The following SPPL3 variants were observed in gnomAD, a reference collection of about 807,000 sequenced individuals.
SPPL3 encodes signal peptide peptidase like 3, also known as signal peptide peptidase-like 3.
A neutral mutation model predicts 42.4 loss-of-function variants in SPPL3; 5 were observed. The observed-to-expected ratio is 0.12, with a 90% CI of 0.06 to 0.25. SPPL3 has a LOEUF of 0.25. Ranked by LOEUF, SPPL3 falls within the 10% of genes least tolerant of loss-of-function variation. SPPL3 has a pLI of 1.00. For synonymous variants in SPPL3, 195 were observed against 181.8 expected (o/e 1.07, Z -0.58); for missense variants, 235 against 489.0 (o/e 0.48, Z 4.90).
At chr12:120,891,380 A>G (rs982155471) in intron 1 of SPPL3, among the ~76,000 whole-genome samples, 3 of 152,280 alleles carry the variant, frequency 2.0e-5, no homozygotes, top group Admixed American at 1.3e-4. Flanking sequence ...AGGCACTGCT[A>G]TATCTATTAA....
chr12:120,768,306 T>A lies in SPPL3; in HGVS notation c.773+19A>T. 1 of 1,606,026 alleles carries A rather than the reference T, an allele frequency of 6.2e-7. No homozygotes were observed. Among genetic ancestry groups the A allele is most frequent in the Non-Finnish European group, 8.5e-7 (1 of 1,174,954 alleles). ...GGCACAGGAAGACAGTGTGGTCCTG[T>A]CATAGCATGAGGTCTTACCTTGGGA... On this transcript the variant is annotated intron_variant, in intron 8 of 10. Transcript: ENST00000353487.
At position 120,858,735 on chromosome 12, in the gene SPPL3, G is replaced by C. The variant is rs570446068; in HGVS notation, c.23+45110C>G. ...AAGATCCAAAATGTATACAATAGGA[G>C]TCCCCAAAGAAGAAAATCAAAGCAA... On this transcript the variant is annotated intron_variant, in intron 1 of 10. Transcript: ENST00000353487. Among the ~76,000 whole-genome samples the C allele has an allele frequency of 5.9e-5, 9 of 152,200 alleles. 1 individual carries two copies. The South Asian group carries it at 1.2e-3, about 21-fold the overall frequency.
At chr12:120,810,306 C>G (rs929568014) in intron 2 of SPPL3, among the ~76,000 whole-genome samples, 5 of 152,052 alleles carry the variant, frequency 3.3e-5, no homozygotes, top group Admixed American at 3.3e-4. Flanking sequence ...TTATTAGCAT[C>G]CTGGGTACAG....
chr12:120,897,580 G>A (rs1205047730), intron 1 of SPPL3, among the ~76,000 whole-genome samples: 5 of 152,122 alleles, frequency 3.3e-5, no homozygotes, highest in African/African-American at 9.7e-5. Context: ...AAAATTAGCT[G>A]GGCGTGGTGG....
At position 120,810,884 on chromosome 12, in the gene SPPL3, G is replaced by A. The variant is rs143911453; in HGVS notation, c.26C>T (p.Ala9Val). The A allele has an allele frequency of 2.0e-5, 33 of 1,611,900 alleles. No homozygotes were observed. The highest frequency in any genetic ancestry group is 5.0e-5 in the Admixed American group (3 of 59,956). Residue 9 changes from alanine (A) to valine (V), a missense_variant and splice_region_variant, in exon 2 of 11, where the codon GCC becomes GTC. This residue lies in a region of SPPL3 where 110 missense variants were observed against 186.2 expected (regional missense o/e 0.59). Coordinates refer to ENST00000353487, the MANE Select transcript of SPPL3 (RefSeq NM_139015.5). ...TTGACTGGAATCCACCAGGGAATAG[G>A]CCCTAGAGAAATAAGAGGAAAAAAA... The part of the protein sequence containing the change: MAEQTYSW[A>V]YSLVDSSQVS...
At chr12:120,893,167 T>A (rs1319366603) in intron 1 of SPPL3, among the ~76,000 whole-genome samples, 1 of 150,788 alleles carries the variant, frequency 6.6e-6, no homozygotes, top group African/African-American at 2.4e-5. Context: ...AAAAAAATAC[T>A]GGGTCAGGTG....
intron 1 of SPPL3, among the ~76,000 whole-genome samples, chr12:120,897,595 T>C (rs1468150680): frequency 1.3e-5 from 2 of 151,894 alleles, no homozygotes; most frequent in Non-Finnish European, 2.9e-5. Context: ...TGGTGGCGGG[T>C]GCCTGTAGTC....
Position 120,789,824 on chromosome 12 carries a change from C to CAAAAAAAAAAAAAA in SPPL3, c.190+1631_190+1644dup, listed in dbSNP as rs3050392. Among the ~76,000 whole-genome samples, 25 of 30,464 alleles carry CAAAAAAAAAAAAAA rather than the reference C, an allele frequency of 8.2e-4. 4 individuals are homozygous for CAAAAAAAAAAAAAA. Among genetic ancestry groups the CAAAAAAAAAAAAAA allele is most frequent in the East Asian group, 5.6e-3 (3 of 532 alleles). The allele number at this position is 30,464 out of a possible 152,430, so 20.0% of individuals were successfully genotyped here. ...TGAATGACAGAGCAAGACTCCGTCT[C>CAAAAAAAAAAAAAA]AAAAAAAAAAAAAAAAAAAAAAAAA... On this transcript the variant is annotated intron_variant, in intron 3 of 10. Coordinates refer to ENST00000353487, the MANE Select transcript of SPPL3 (RefSeq NM_139015.5).
intron 1 of SPPL3, among the ~76,000 whole-genome samples, chr12:120,884,101 CAAAAA>C (rs33918080): frequency 2.4e-5 from 3 of 124,086 alleles, no homozygotes; most frequent in Non-Finnish European, 1.7e-5. Context: ...AACTATGTCT[CAAAAA>C]AAAAAAAAAA....
chr12:120,836,692 G>T (rs940558119), intron 1 of SPPL3, among the ~76,000 whole-genome samples: 1 of 152,178 alleles, frequency 6.6e-6, no homozygotes, highest in Non-Finnish European at 1.5e-5. Context: ...GTTAGCACCG[G>T]GAAGGTGTGG....
At position 120,852,339 on chromosome 12, in the gene SPPL3, T is replaced by G. The variant is rs960408982; in HGVS notation, c.24-41453A>C. On this transcript the variant is annotated intron_variant, in intron 1 of 10. Coordinates refer to ENST00000353487, the MANE Select transcript of SPPL3 (RefSeq NM_139015.5). ...TTATATAATCATATATATTAATTTA[T>G]ATATACATATTTTACATATATGAAA... is the stretch of plus-strand genomic sequence containing the variant. Among the ~76,000 whole-genome samples the G allele has an allele frequency of 5.8e-5, 8 of 137,376 alleles. No individual in the cohort carries two copies. The Admixed American group carries it at 6.1e-4, about 10-fold the overall frequency. 90.1% of individuals were successfully genotyped at this position (137,376 alleles called of 152,430 possible). A position where few individuals can be genotyped will look rare whatever the true frequency, so the allele number is the denominator to read the frequency against.
intron 2 of SPPL3, among the ~76,000 whole-genome samples, chr12:120,804,716 C>T (rs911876143): frequency 6.6e-6 from 1 of 152,072 alleles, no homozygotes; most frequent in Admixed American, 6.5e-5. Flanking sequence ...CTAAGAGTTA[C>T]CATTAGACCC....
intron 6 of SPPL3, among the ~76,000 whole-genome samples, chr12:120,778,781 C>T (rs910232720): frequency 6.6e-6 from 1 of 152,066 alleles, no homozygotes; most frequent in Non-Finnish European, 1.5e-5. Context: ...TGGTCAAAGT[C>T]ACTTACGAAG....
chr12:120,893,576 T>C (rs1410133480), intron 1 of SPPL3, among the ~76,000 whole-genome samples: 1 of 152,146 alleles, frequency 6.6e-6, no homozygotes, highest in Non-Finnish European at 1.5e-5. Context: ...TACCCCTGAT[T>C]GGGCTTCCAC....
chr12:120,786,951 T>C lies in SPPL3; in HGVS notation c.191-2358A>G, dbSNP rs142141908. Among the ~76,000 whole-genome samples the C allele has an allele frequency of 2.5e-3, 379 of 152,230 alleles. 2 individuals are homozygous for C. The highest frequency in any genetic ancestry group is 8.6e-3 in the African/African-American group (356 of 41,528). On this transcript the variant is annotated intron_variant, in intron 3 of 10. Transcript: ENST00000353487. ...ATTATCTTTAAGGCAAAAATCAACA[T>C]AGGAAATAGGCTTGGTAATGGAATT... is the stretch of plus-strand genomic sequence containing the variant.
chr12:120,867,495 T>C (rs1231780130), intron 1 of SPPL3, among the ~76,000 whole-genome samples: 1 of 151,982 alleles, frequency 6.6e-6, no homozygotes, highest in Non-Finnish European at 1.5e-5. Flanking sequence ...TGAAACTTTG[T>C]CTCCACTAAA....
At chr12:120,863,839 C>A (rs1434135611) in intron 1 of SPPL3, among the ~76,000 whole-genome samples, 5 of 136,014 alleles carry the variant, frequency 3.7e-5, no homozygotes, top group Non-Finnish European at 7.9e-5. Flanking sequence ...CTTTCTTTTT[C>A]TTTTCTTTTC....
chr12:120,783,650 A>T, intron 5 of SPPL3, 24 bp downstream of exon 5: 1 of 1,571,740 alleles, frequency 6.4e-7, no homozygotes, highest in Non-Finnish European at 8.7e-7. Flanking sequence ...TTTATAATTT[A>T]AGAGGAAAGT....
intron 6 of SPPL3, among the ~76,000 whole-genome samples, chr12:120,777,586 ACCATACCACC>A (rs1869368486): frequency 1.2e-4 from 1 of 8,288 alleles, no homozygotes; most frequent in Non-Finnish European, 1.8e-4. Flanking sequence ...CCACCCTTTT[ACCATACCACC>A]CTTTTACCAT....
Sources: gnomAD v4.1 joint callset for allele counts (sites outside exome capture counted in the v4.1 genomes callset) on GRCh38, gnomAD v4.1.1 for gene constraint, gnomAD v4.1.1 regional missense constraint, MANE v1.5 for transcripts, NCBI Gene and HGNC (gene_info 2026-07-23, HGNC 2026-07-21) for gene names.